SCUBE1: variants seen among roughly 807,000 people sequenced by gnomAD.
The protein encoded by SCUBE1 is signal peptide, CUB and EGF-like domain-containing protein 1.
SCUBE1 carries 59 observed loss-of-function variants against 124.4 expected under a neutral mutation model. The ratio of observed to expected loss-of-function variants is 0.47; its 90% CI spans 0.38 to 0.59. The LOEUF is 0.59. Among genes scored for constraint, SCUBE1 ranks in the 20% least tolerant of loss-of-function variants. The pLI is 0.00. For missense variants in SCUBE1, 1,150 were observed against 1,371.2 expected, an observed-to-expected ratio of 0.84 and a Z score of 2.55; for synonymous variants, 545 against 550.9, an observed-to-expected ratio of 0.99 and a Z score of 0.15.
At chr22:43,329,651 C>T (rs995884515) in intron 2 of SCUBE1, among the ~76,000 whole-genome samples, 1 of 152,188 alleles carries the variant, frequency 6.6e-6, no homozygotes, top group Non-Finnish European at 1.5e-5. Context: ...CTAGGCCAGG[C>T]GTCCAACCAG....
At chr22:43,324,198 T>C (rs543821023) in intron 2 of SCUBE1, among the ~76,000 whole-genome samples, 3 of 152,336 alleles carry the variant, frequency 2.0e-5, no homozygotes, top group African/African-American at 7.2e-5. Flanking sequence ...CTTTTCATTA[T>C]TAAAATGATA....
intron 4 of SCUBE1, 101 bp downstream of exon 4, chr22:43,290,945 C>T: frequency 7.4e-7 from 1 of 1,351,830 alleles, no homozygotes; most frequent in South Asian, 1.6e-5. Context: ...AAATTCCCTG[C>T]CTTGACCTTG....
chr22:43,214,146 C>T lies in SCUBE1; in HGVS notation c.1997G>A (p.Cys666Tyr). Reference sequence around the variant, plus strand: ...CAGACCAAGCCCGTCGCTGCTGGGGCACGGTGTGCAACTGAGCTGGCCTTC... The same window carrying T: ...CAGACCAAGCCCGTCGCTGCTGGGGTACGGTGTGCAACTGAGCTGGCCTTC... ...DMEGQLSCTP[C>Y]PSSDGLGLPG... The change falls in exon 16 of 22, where the codon TGC becomes TAC. Residue 666 changes from cysteine (C) to tyrosine (Y), a missense_variant. Transcript: ENST00000360835. 1 of 1,472,408 alleles carries T rather than the reference C, an allele frequency of 6.8e-7. No homozygotes were observed. The highest frequency in any genetic ancestry group is 9.2e-7 in the Non-Finnish European group (1 of 1,090,786). The allele number at this position is 1,472,408 out of a possible 1,614,324, so 91.2% of individuals were successfully genotyped here.
At chr22:43,238,813 C>T in intron 7 of SCUBE1, 25 bp downstream of exon 7, 1 of 1,581,220 alleles carries the variant, frequency 6.3e-7, no homozygotes. Flanking sequence ...CAGGCAGGGG[C>T]ACCCACACAG....
chr22:43,270,136 T>G (rs1924236559), intron 4 of SCUBE1: 1 of 152,218 alleles, frequency 6.6e-6, no homozygotes. Flanking sequence ...CATAAGTACT[T>G]CACACAAACT....
chr22:43,198,898 C>T lies in SCUBE1; in HGVS notation c.*5099G>A, dbSNP rs962241781. The T allele has an allele frequency of 3.8e-5, 14 of 372,848 alleles. No individual in the cohort carries two copies. Among genetic ancestry groups the T allele is most frequent in the African/African-American group, 1.7e-4 (8 of 46,494 alleles). The allele number at this position is 372,848 out of a possible 1,614,324, so 23.1% of individuals were successfully genotyped here. ...CTGGGGCAGTTTGCTGTCTGCTTTC[C>T]GGGGCAGTTTGTCTGTCTGCTGTCT... On this transcript the variant is annotated 3_prime_UTR_variant, in exon 22 of 22. Coordinates refer to ENST00000360835, the MANE Select transcript of SCUBE1 (RefSeq NM_173050.5).
intron 2 of SCUBE1, among the ~76,000 whole-genome samples, chr22:43,326,475 G>A (rs530508015): frequency 6.6e-6 from 1 of 152,070 alleles, no homozygotes; most frequent in Admixed American, 6.5e-5. Context: ...CCCTGTCTCC[G>A]GTGGCTCGGG....
chr22:43,263,245 C>T (rs930679418), intron 4 of SCUBE1, among the ~76,000 whole-genome samples: 11 of 152,222 alleles, frequency 7.2e-5, no homozygotes, highest in African/African-American at 2.7e-4. Context: ...CCCCACCCGC[C>T]CAGCAGACTG....
chr22:43,229,627 CT>C (rs1292446148), intron 8 of SCUBE1, among the ~76,000 whole-genome samples: 4 of 152,262 alleles, frequency 2.6e-5, no homozygotes, highest in African/African-American at 9.6e-5. Context: ...ACCAAAGCAT[CT>C]TTCCCCATCA....
At chr22:43,290,174 G>A (rs1925303154) in intron 4 of SCUBE1, among the ~76,000 whole-genome samples, 1 of 152,188 alleles carries the variant, frequency 6.6e-6, no homozygotes, top group Non-Finnish European at 1.5e-5. Context: ...AGCAAGAGAT[G>A]TGCCTCCGCA....
At position 43,214,214 on chromosome 22, in the gene SCUBE1, G is replaced by A. The variant is rs548976543; in HGVS notation, c.1929C>T (p.Leu643=). The part of the protein sequence containing the change: ...CGPGTHFGGE[L]GQCVSCMPGT... Reference sequence around the variant, plus strand: ...CTGGCATACATGACACACACTGGCCGAGCTCACCACCGAAGTGGGTGCCAG... The same window carrying A: ...CTGGCATACATGACACACACTGGCCAAGCTCACCACCGAAGTGGGTGCCAG... The change falls in exon 16 of 22, where the codon CTC becomes CTT. Residue 643 remains leucine (L), a synonymous_variant. Transcript: ENST00000360835. The A allele has an allele frequency of 2.7e-5, 44 of 1,613,004 alleles. No homozygotes were observed. The highest frequency in any genetic ancestry group is 5.3e-5 in the African/African-American group (4 of 75,054).
At chr22:43,277,847 T>C in intron 4 of SCUBE1, among the ~76,000 whole-genome samples, 1 of 152,270 alleles carries the variant, frequency 6.6e-6, no homozygotes, top group Admixed American at 6.5e-5. Context: ...TCATAAAATA[T>C]ATGAATGTTT....
intron 16 of SCUBE1, chr22:43,213,769 C>G (rs1601799025): frequency 2.3e-5 from 5 of 219,186 alleles, no homozygotes; most frequent in South Asian, 1.1e-4. Flanking sequence ...TTATGTACCT[C>G]CCTTAGAAAC....
In SCUBE1 at chr22:43,222,671, C is replaced by G. The variant is rs769965102; in HGVS notation, c.1399G>C (p.Gly467Arg). The change falls in exon 12 of 22, where the codon GGC becomes CGC. Residue 467 changes from glycine to arginine, a missense_variant. Physicochemically the swap from Gly to Arg is moderately radical, Grantham distance 125. Coordinates refer to ENST00000360835, the MANE Select transcript of SCUBE1 (RefSeq NM_173050.5). The stretch of plus-strand genomic sequence containing the variant: ...CTGGGCCCGAGGCCAGAGCTGGTGC[C>G]GTTGCGTTTCTGCAGCGCCTTGCCC... ...PQGKALQKRNGTSSGLGPSCS... is the reference protein window; with the variant it reads ...PQGKALQKRNRTSSGLGPSCS... 2 of 1,602,622 alleles carry G rather than the reference C, an allele frequency of 1.2e-6. No individual in the cohort carries two copies. The highest frequency in any genetic ancestry group is 2.2e-5 in the East Asian group (1 of 44,516).
chr22:43,249,052 G>A (rs1042096462), intron 6 of SCUBE1, among the ~76,000 whole-genome samples: 1 of 152,144 alleles, frequency 6.6e-6, no homozygotes, highest in Admixed American at 6.5e-5. Context: ...GGTGGGACAG[G>A]GGAGGAAGGA....
Position 43,212,462 on chromosome 22 carries a change from G to C in SCUBE1, c.2184C>G (p.His728Gln). Residue 728 changes from histidine (H) to glutamine (Q), a missense_variant, in exon 17 of 22, where the codon CAC becomes CAG. His to Gln is a conservative substitution (Grantham distance 24). This residue lies in a region of SCUBE1 where 757 missense variants were observed against 840.9 expected (regional missense o/e 0.90). Transcript: ENST00000360835. ...FPCGGGLLTK[H>Q]EGTTSFQDCE... is the part of the protein sequence containing the mutation. ...AGTCCTGGAAGGAGGTGGTGCCTTC[G>C]TGTTTGGTGAGCAAACCCCCTCCAC... 6.4e-7 allele frequency: 1 copy of C among 1,553,202 alleles called. No individual in the cohort carries two copies. The highest frequency in any genetic ancestry group is 8.7e-7 in the Non-Finnish European group (1 of 1,148,284).
chr22:43,280,150 C>T (rs973207656), intron 4 of SCUBE1, among the ~76,000 whole-genome samples: 11 of 152,206 alleles, frequency 7.2e-5, no homozygotes, highest in African/African-American at 1.4e-4. Context: ...CAGGGTTCGG[C>T]GCTGTCTGCC....
chr22:43,232,045 T>A, intron 7 of SCUBE1, 170 bp from the exon 8 acceptor site: 1 of 674,540 alleles, frequency 1.5e-6, no homozygotes, highest in Non-Finnish European at 2.6e-6. Context: ...GGGGGCCCTG[T>A]CTCGCAGGGG....
intron 3 of SCUBE1, among the ~76,000 whole-genome samples, chr22:43,318,031 A>G (rs1926411727): frequency 6.6e-6 from 1 of 152,220 alleles, no homozygotes; most frequent in Non-Finnish European, 1.5e-5. Flanking sequence ...GATCCCTTGC[A>G]GCTCTCAGAA....
Sources: gnomAD v4.1 joint callset for allele counts (sites outside exome capture counted in the v4.1 genomes callset) on GRCh38, gnomAD v4.1.1 for gene constraint, gnomAD v4.1.1 regional missense constraint, MANE v1.5 for transcripts, NCBI Gene and HGNC (gene_info 2026-07-23, HGNC 2026-07-21) for gene names.